Variants in USHBP1 observed in about 807,000 individuals in gnomAD.
USHBP1 encodes the protein USH1 protein network component harmonin binding protein 1.
USHBP1 carries 67 observed loss-of-function variants against 76.2 expected under a neutral mutation model. The observed-to-expected ratio is 0.88, with a 90% CI of 0.72 to 1.08. USHBP1 has a LOEUF of 1.08. Ranked by LOEUF, USHBP1 falls within the 50% of genes least tolerant of loss-of-function variation. The probability of loss-of-function intolerance (pLI) is 0.00; values close to 1 mark genes in which losing one functional copy is unlikely to be tolerated. For synonymous variants in USHBP1, 322 were observed against 362.2 expected, an observed-to-expected ratio of 0.89 and a Z score of 1.26; for missense variants, 931 against 915.0, an observed-to-expected ratio of 1.02 and a Z score of -0.23.
At chr19:17,253,211 G>A (rs953176483) in intron 10 of USHBP1, among the ~76,000 whole-genome samples, 16 of 151,274 alleles carry the variant, frequency 1.1e-4, no homozygotes, top group African/African-American at 3.6e-4. Flanking sequence ...CTCGTGATCC[G>A]CCCAACTCGG....
intron 12 of USHBP1, 25 bp from the exon 13 acceptor site, chr19:17,250,439 A>G: frequency 2.5e-6 from 4 of 1,603,320 alleles, no homozygotes; most frequent in Non-Finnish European, 3.4e-6. Context: ...TGGCTGGGTC[A>G]GGAAACAGCC....
rs140815152 is a variant in USHBP1 at position 17,264,268 on chromosome 19, C to G, written c.32G>C (p.Arg11Pro). 3.6e-4 allele frequency: 579 copies of G among 1,613,696 alleles called. 3 individuals are homozygous for G. In the African/African-American group the frequency reaches 6.8e-3, roughly 19 times the overall value. MSARATRPRS[R>P]RGRHAPPGEL... ...TACGGGTGGAGCATGCCTCCCTCGC[C>G]GGCTTCGGGGCCGCGTGGCCCGGGC... Residue 11 changes from arginine to proline, a missense_variant, in exon 2 of 13, where the codon CGG becomes CCG. Arg to Pro is a moderately radical substitution (Grantham distance 103). Coordinates refer to ENST00000252597, the MANE Select transcript of USHBP1 (RefSeq NM_031941.4).
chr19:17,258,255 C>T lies in USHBP1; in HGVS notation c.1177G>A (p.Glu393Lys). 6.2e-7 allele frequency: 1 copy of T among 1,614,144 alleles called. No homozygotes were observed. Among genetic ancestry groups the T allele is most frequent in the South Asian group, 1.1e-5 (1 of 91,088 alleles). ...KEAWRLLAQE[E>K]AAMDAGAQQN... is the part of the protein sequence containing the mutation. The stretch of plus-strand genomic sequence containing the variant: ...TGTGCTCCTGCATCCATGGCAGCCT[C>T]CTCTTGTGCCAGCAGCCTCCATGCT... Residue 393 changes from glutamate (E) to lysine (K), a missense_variant, in exon 8 of 13, where the codon GAG (glutamate) becomes AAG (lysine). By Grantham distance (56) the Glu-to-Lys change is moderately conservative. Transcript: ENST00000252597.
chr19:17,249,918 A>C lies in USHBP1; in HGVS notation c.*307T>G. The C allele has an allele frequency of 2.9e-6, 1 of 344,164 alleles. No homozygotes were observed. 21.3% of individuals were successfully genotyped at this position (344,164 alleles called of 1,614,324 possible). A position where few individuals can be genotyped will look rare whatever the true frequency, so the allele number is the denominator to read the frequency against. ...GCCAGTTGGAACTTCAGCTGTGGCT[A>C]TGCAACCTCACGGACCCCCGAAATG... On this transcript the variant is annotated 3_prime_UTR_variant, in exon 13 of 13. Transcript: ENST00000252597.
chr19:17,256,666 G>A lies in USHBP1; in HGVS notation c.1275C>T (p.Leu425=). ...KPTPQEVAFQ[L]RSYVQRLQER... ...CCTGGAGACGCTGGACATAGCTTCGGAGCTGGAAAGCCACTTCCTGTGGGG... is the reference window on the plus strand; with the variant it reads ...CCTGGAGACGCTGGACATAGCTTCGAAGCTGGAAAGCCACTTCCTGTGGGG... Residue 425 remains leucine (L), a synonymous_variant, in exon 9 of 13, where the codon CTC becomes CTT. Coordinates refer to ENST00000252597, the MANE Select transcript of USHBP1 (RefSeq NM_031941.4). The A allele has an allele frequency of 6.2e-7, 1 of 1,614,202 alleles. No individual in the cohort carries two copies. The highest frequency in any genetic ancestry group is 1.1e-5 in the South Asian group (1 of 91,084).
At chr19:17,252,802 A>G (rs1052195717) in intron 10 of USHBP1, among the ~76,000 whole-genome samples, 3 of 150,898 alleles carry the variant, frequency 2.0e-5, no homozygotes, top group African/African-American at 7.3e-5. Flanking sequence ...CAGGAGAATC[A>G]CTTGAAGCTG....
intron 10 of USHBP1, among the ~76,000 whole-genome samples, chr19:17,252,230 C>T (rs1339311387): frequency 2.0e-5 from 3 of 152,114 alleles, no homozygotes; most frequent in African/African-American, 7.2e-5. Flanking sequence ...GAGTCTCACT[C>T]TGCCACCCAG....
At chr19:17,264,387 C>A in intron 1 of USHBP1, 40 bp from the exon 2 acceptor site, 1 of 1,445,510 alleles carries the variant, frequency 6.9e-7, no homozygotes, top group Non-Finnish European at 9.3e-7. Context: ...CCTTTGTTGT[C>A]CTGGACAAAG....
intron 4 of USHBP1, among the ~76,000 whole-genome samples, chr19:17,261,116 C>T (rs140986359): frequency 2.3e-4 from 35 of 152,168 alleles, no homozygotes; most frequent in African/African-American, 7.5e-4. Context: ...CACCTTAATC[C>T]AAGCAAAGCC....
chr19:17,253,817 C>T (rs1390350129), intron 10 of USHBP1, among the ~76,000 whole-genome samples: 1 of 149,224 alleles, frequency 6.7e-6, no homozygotes, highest in Non-Finnish European at 1.5e-5. Context: ...TCGCTTGAAC[C>T]TGGGACGCAG....
intron 2 of USHBP1, 45 bp from the exon 3 acceptor site, chr19:17,264,195 G>A: frequency 6.2e-7 from 1 of 1,612,970 alleles, no homozygotes; most frequent in Non-Finnish European, 8.5e-7. Flanking sequence ...GGCAGGACAG[G>A]ACCTTGGGGT....
At chr19:17,251,500 G>A (rs1202006931) in intron 12 of USHBP1, 82 bp downstream of exon 12, 2 of 1,575,582 alleles carry the variant, frequency 1.3e-6, no homozygotes, top group African/African-American at 1.3e-5. Context: ...GAATGCTAAG[G>A]CCCAGAGACA....
chr19:17,264,138 G>A lies in USHBP1; in HGVS notation c.67C>T (p.Pro23Ser), dbSNP rs202049886. 3.1e-6 allele frequency: 5 copies of A among 1,613,636 alleles called. No homozygotes were observed. Among genetic ancestry groups the A allele is most frequent in the Non-Finnish European group, 4.2e-6 (5 of 1,179,760 alleles). ...ACCTCCTCTGAACTCTCAGCCACGG[G>A]ATCCAGTTCACCCTGCAAATGACCC... ...GRHAPPGELD[P>S]VAESSEEVEA... Residue 23 changes from proline (P) to serine (S), a missense_variant, in exon 3 of 13, where the codon CCC (proline) becomes TCC (serine). Pro to Ser is a moderately conservative substitution (Grantham distance 74). Coordinates refer to ENST00000252597, the MANE Select transcript of USHBP1 (RefSeq NM_031941.4).
Position 17,259,301 on chromosome 19 carries a change from G to T in USHBP1, c.1034C>A (p.Ala345Asp), listed in dbSNP as rs2073658894. The change falls in exon 7 of 13, where the codon GCC becomes GAC. Residue 345 changes from alanine to aspartate, a missense_variant. Physicochemically the swap from Ala to Asp is moderately radical, Grantham distance 126 (BLOSUM62 -2). Transcript: ENST00000252597. ...REAEATALHL[A>D]LQYSEHCEEA... ...AGGGTGCACTGACCTGTACTGCAAGGCCAGATGCAATGCTGTGGCCTCAGC... is the reference window on the plus strand; with the variant it reads ...AGGGTGCACTGACCTGTACTGCAAGTCCAGATGCAATGCTGTGGCCTCAGC... 6.2e-7 allele frequency: 1 copy of T among 1,612,900 alleles called. No homozygotes were observed. Among genetic ancestry groups the T allele is most frequent in the African/African-American group, 1.3e-5 (1 of 74,856 alleles).
At chr19:17,255,298 A>C in intron 10 of USHBP1, 87 bp downstream of exon 10, 1 of 1,387,816 alleles carries the variant, frequency 7.2e-7, no homozygotes, top group Non-Finnish European at 9.4e-7. Context: ...GTCTCAAAAA[A>C]AACAAAAAAA....
chr19:17,255,477 C>T lies in USHBP1; in HGVS notation c.1600G>A (p.Glu534Lys). Residue 534 changes from glutamate to lysine, a missense_variant, in exon 10 of 13, where the codon GAA becomes AAA. Physicochemically the swap from Glu to Lys is moderately conservative, Grantham distance 56. Coordinates refer to ENST00000252597, the MANE Select transcript of USHBP1 (RefSeq NM_031941.4). ...HVLLLEQLRW[E>K]RAELQAGGAN... is the part of the protein sequence containing the mutation. ...CCACCAGCCTGGAGCTCTGCCCGTTCCCACCGCAGCTGCTCCAGCAGGAGC... is the reference window on the plus strand; with the variant it reads ...CCACCAGCCTGGAGCTCTGCCCGTTTCCACCGCAGCTGCTCCAGCAGGAGC... 6.2e-7 allele frequency: 1 copy of T among 1,614,044 alleles called. No homozygotes were observed. Among genetic ancestry groups the T allele is most frequent in the Non-Finnish European group, 8.5e-7 (1 of 1,179,936 alleles).
In USHBP1 at chr19:17,264,569, C is replaced by T. The variant is rs569436827; in HGVS notation, c.-49+102G>A. On this transcript the variant is annotated intron_variant, in intron 1 of 12. Coordinates refer to ENST00000252597, the MANE Select transcript of USHBP1 (RefSeq NM_031941.4). The stretch of plus-strand genomic sequence containing the variant: ...TTCTCTGCCTTCTTTACCTTCACTA[C>T]GTCTTTGTCCACTTTCCTCCTCTAT... 1.0e-3 allele frequency: 523 copies of T among 506,892 alleles called. 1 individual carries two copies. Among genetic ancestry groups the T allele is most frequent in the Admixed American group, 1.5e-3 (40 of 26,160 alleles). 31.4% of individuals were successfully genotyped at this position (506,892 alleles called of 1,614,324 possible).
chr19:17,258,383 T>A lies in USHBP1; in HGVS notation c.1049A>T (p.Glu350Val), dbSNP rs1013116572. ...TALHLALQYS[E>V]HCEEAYRVLL... ...AACCCTGTATGCCTCTTCACAGTGTTCACTGTGGGACACTGGTTCTGAGTG... is the reference window on the plus strand; with the variant it reads ...AACCCTGTATGCCTCTTCACAGTGTACACTGTGGGACACTGGTTCTGAGTG... Residue 350 changes from glutamate to valine, a missense_variant and splice_region_variant, in exon 8 of 13, where the codon GAA (glutamate) becomes GTA (valine). Physicochemically the swap from Glu to Val is moderately radical, Grantham distance 121. Transcript: ENST00000252597. 3 of 1,613,130 alleles carry A rather than the reference T, an allele frequency of 1.9e-6. No homozygotes were observed. The African/African-American group carries it at 4.0e-5, about 21-fold the overall frequency.
chr19:17,257,244 G>A (rs1239280802), intron 8 of USHBP1, among the ~76,000 whole-genome samples: 2 of 147,640 alleles, frequency 1.4e-5, no homozygotes, highest in African/African-American at 4.9e-5. Context: ...TGTTAGCCAG[G>A]ATGGTCTCGA....
Sources: allele counts gnomAD v4.1 joint callset (sites outside exome capture counted in the v4.1 genomes callset), GRCh38; gene constraint gnomAD v4.1.1; transcripts MANE v1.5; gene names NCBI Gene and HGNC (gene_info 2026-07-23, HGNC 2026-07-21).